The following NUBPL variants were observed in gnomAD, a reference collection of about 807,000 sequenced individuals.
NUBPL encodes iron-sulfur cluster transfer protein NUBPL.
NUBPL carries 31 observed loss-of-function variants against 45.7 expected under a neutral mutation model. That is an observed-to-expected ratio of 0.68 (90% CI 0.51 to 0.92). The LOEUF is 0.92. Among genes scored for constraint, NUBPL ranks in the 40% least tolerant of loss-of-function variants. The pLI is 0.00. For synonymous variants in NUBPL, 144 were observed against 140.9 expected (o/e 1.02, Z -0.15); for missense variants, 401 against 398.7 (o/e 1.01, Z -0.05).
chr14:31,605,480 GAT>G (rs991283884), intron 4 of NUBPL, among the ~76,000 whole-genome samples: 5 of 152,156 alleles, frequency 3.3e-5, no homozygotes, highest in Admixed American at 2.6e-4. Flanking sequence ...GTTTATTAGT[GAT>G]TTTGAGTAGG....
At position 31,755,875 on chromosome 14, in the gene NUBPL, A is replaced by G. The variant is rs561248115; in HGVS notation, c.514-31905A>G. Among the ~76,000 whole-genome samples the G allele has an allele frequency of 6.5e-3, 987 of 150,934 alleles. 11 individuals are homozygous for G. The highest frequency in any genetic ancestry group is 0.023 in the African/African-American group (924 of 40,898). ...TAATCCATCTTGAATTAATTTTTGTATAAGGTGTAAGGAAGGGATCCAGTT... is the reference window on the plus strand; with the variant it reads ...TAATCCATCTTGAATTAATTTTTGTGTAAGGTGTAAGGAAGGGATCCAGTT... On this transcript the variant is annotated intron_variant, in intron 6 of 10. Transcript: ENST00000281081.
At chr14:31,781,553 G>A (rs986743624) in intron 6 of NUBPL, among the ~76,000 whole-genome samples, 3 of 152,176 alleles carry the variant, frequency 2.0e-5, no homozygotes, top group Non-Finnish European at 4.4e-5. Context: ...GGCTATTAAA[G>A]AAACAGACTT....
At chr14:31,842,435 A>G (rs1189328215) in intron 8 of NUBPL, among the ~76,000 whole-genome samples, 2 of 151,992 alleles carry the variant, frequency 1.3e-5, no homozygotes, top group Non-Finnish European at 2.9e-5. Flanking sequence ...AGTTATCAAA[A>G]CCTCTGACTT....
intron 10 of NUBPL, among the ~76,000 whole-genome samples, chr14:31,850,809 G>A (rs2040527505): frequency 6.6e-6 from 1 of 151,514 alleles, no homozygotes; most frequent in African/African-American, 2.4e-5. Context: ...TTTTTATGGA[G>A]ACAGGGTCTC....
chr14:31,595,739 G>T (rs1181172178), intron 3 of NUBPL, among the ~76,000 whole-genome samples: 1 of 152,118 alleles, frequency 6.6e-6, no homozygotes, highest in South Asian at 2.1e-4. Flanking sequence ...AAAAACAAAT[G>T]AAGTTTATTT....
chr14:31,822,262 C>T (rs1033858203), intron 7 of NUBPL, among the ~76,000 whole-genome samples: 2 of 152,094 alleles, frequency 1.3e-5, no homozygotes, highest in African/African-American at 2.4e-5. Context: ...GTGGTTATTA[C>T]ACATTGCATG....
Position 31,561,451 on chromosome 14 carries a change from G to A in NUBPL, c.12G>A (p.Trp4Ter). The part of the protein sequence containing the change: MGI[W>*]QRLLLFGGVS... ...CAGCGTTCCGCGTCATGGGGATTTG[G>A]CAGCGTCTGCTGCTTTTTGGTGGGG... The change falls in exon 1 of 11, where the codon TGG becomes TGA. Residue 4 changes from tryptophan (W) to a stop codon, truncating the protein, a stop_gained. Transcript: ENST00000281081. LOFTEE classifies it high-confidence loss of function. The A allele has an allele frequency of 7.1e-7, 1 of 1,416,048 alleles. No homozygotes were observed. The highest frequency in any genetic ancestry group is 9.3e-7 in the Non-Finnish European group (1 of 1,075,114). 87.7% of individuals were successfully genotyped at this position (1,416,048 alleles called of 1,614,324 possible). A position where few individuals can be genotyped will look rare whatever the true frequency, so the allele number is the denominator to read the frequency against.
At chr14:31,581,202 C>CTTTTT (rs751566032) in intron 3 of NUBPL, among the ~76,000 whole-genome samples, 1 of 103,308 alleles carries the variant, frequency 9.7e-6, no homozygotes, top group Non-Finnish European at 2.2e-5. Context: ...AGAGATGGTT[C>CTTTTT]TTTTTTTTTT....
Position 31,838,749 on chromosome 14 carries a change from T to C in NUBPL, c.694-7722T>C, listed in dbSNP as rs1256234508. ...GGTTAAAAATAAATAACTTGTAAAC[T>C]TTAAAAATTATTCAGATATTTTACA... On this transcript the variant is annotated intron_variant, in intron 8 of 10. Coordinates refer to ENST00000281081, the MANE Select transcript of NUBPL (RefSeq NM_025152.3). Among the ~76,000 whole-genome samples the C allele has an allele frequency of 3.3e-5, 5 of 152,182 alleles. No individual in the cohort carries two copies. In the South Asian group the frequency reaches 6.2e-4, roughly 19 times the overall value.
intron 3 of NUBPL, among the ~76,000 whole-genome samples, chr14:31,583,492 C>T (rs889866155): frequency 6.6e-6 from 1 of 152,122 alleles, no homozygotes; most frequent in African/African-American, 2.4e-5. Flanking sequence ...ACAAAGAAGT[C>T]CTGTCCTCAG....
chr14:31,687,131 G>A (rs895098812), intron 6 of NUBPL, among the ~76,000 whole-genome samples: 2 of 152,006 alleles, frequency 1.3e-5, no homozygotes, highest in African/African-American at 4.8e-5. Flanking sequence ...AATTCATTGT[G>A]TATCTCATAT....
chr14:31,588,467 TTCTTAA>T (rs2034053456), intron 3 of NUBPL, among the ~76,000 whole-genome samples: 7 of 152,170 alleles, frequency 4.6e-5, no homozygotes, highest in African/African-American at 1.7e-4. Context: ...AAAGTAGATC[TTCTTAA>T]TCTTTACAGG....
intron 8 of NUBPL, among the ~76,000 whole-genome samples, chr14:31,832,769 A>G (rs1264962261): frequency 6.6e-6 from 1 of 152,198 alleles, no homozygotes; most frequent in Non-Finnish European, 1.5e-5. Flanking sequence ...AGGAGTTTGA[A>G]TTGTAGATCC....
At chr14:31,669,824 C>T (rs1309505700) in intron 4 of NUBPL, among the ~76,000 whole-genome samples, 27 of 60,828 alleles carry the variant, frequency 4.4e-4, no homozygotes, top group Admixed American at 1.0e-3. Context: ...TTTTTTTTTA[C>T]GGCTGCCTAG....
chr14:31,630,881 G>A (rs1566460173), intron 4 of NUBPL, among the ~76,000 whole-genome samples: 2 of 152,096 alleles, frequency 1.3e-5, no homozygotes, highest in Non-Finnish European at 2.9e-5. Flanking sequence ...CCACCATTGG[G>A]TAATTTTTCT....
At chr14:31,721,191 C>G (rs1293204118) in intron 6 of NUBPL, among the ~76,000 whole-genome samples, 1 of 152,124 alleles carries the variant, frequency 6.6e-6, no homozygotes, top group African/African-American at 2.4e-5. Context: ...AGTACAAAGT[C>G]TTAGGCAAAT....
chr14:31,562,039 C>T lies in NUBPL; in HGVS notation c.109-29C>T, dbSNP rs77709919. 0.047 allele frequency: 72,693 copies of T among 1,549,298 alleles called. 2,033 individuals are homozygous for T. Among genetic ancestry groups the T allele is most frequent in the Middle Eastern group, 0.082 (459 of 5,602 alleles). ...GATGATGGAGATGGCTTATTTAAAA[C>T]GGCTTTTTATTATTATTATTTTTTA... is the stretch of plus-strand genomic sequence containing the variant. On this transcript the variant is annotated intron_variant, in intron 1 of 10. Coordinates refer to ENST00000281081, the MANE Select transcript of NUBPL (RefSeq NM_025152.3).
rs1211411877 is a variant in NUBPL at position 31,669,797 on chromosome 14, G to GTTTTTTTTTTTT, written c.383-3547_383-3546insTTTTTTTTTTTT. ...TCTTCCTGCAAAAGACATGATCTTG[G>GTTTTTTTTTTTT]TTTTTTTTTTTGTTTTTTTTTTTTT... On this transcript the variant is annotated intron_variant, in intron 4 of 10. Transcript: ENST00000281081. Among the ~76,000 whole-genome samples, 9 of 68,630 alleles carry GTTTTTTTTTTTT rather than the reference G, an allele frequency of 1.3e-4. 1 individual carries two copies. The highest frequency in any genetic ancestry group is 6.8e-4 in the South Asian group (1 of 1,476). The allele number at this position is 68,630 out of a possible 152,430, so 45.0% of individuals were successfully genotyped here. A position where few individuals can be genotyped will look rare whatever the true frequency, so the allele number is the denominator to read the frequency against.
chr14:31,694,784 G>T (rs2037177171), intron 6 of NUBPL, among the ~76,000 whole-genome samples: 2 of 152,180 alleles, frequency 1.3e-5, no homozygotes, highest in African/African-American at 2.4e-5. Flanking sequence ...AAAGTGTTGG[G>T]ATTACAGGCG....
Sources: gnomAD v4.1 joint callset for allele counts (sites outside exome capture counted in the v4.1 genomes callset) on GRCh38, gnomAD v4.1.1 for gene constraint, MANE v1.5 for transcripts, NCBI Gene and HGNC (gene_info 2026-07-23, HGNC 2026-07-21) for gene names.